Variants in TSHZ3 observed in about 807,000 individuals in gnomAD.
TSHZ3 encodes teashirt zinc finger homeobox 3.
In TSHZ3, 10 loss-of-function variants were observed where a neutral mutation model predicts 64.5. The observed-to-expected ratio is 0.16, with a 90% confidence interval of 0.10 to 0.26. The LOEUF is 0.26. Among genes scored for constraint, TSHZ3 ranks in the 10% least tolerant of loss-of-function variants. The probability of loss-of-function intolerance (pLI) is 1.00; values close to 1 mark genes in which losing one functional copy is unlikely to be tolerated. For missense variants in TSHZ3, 1,242 were observed against 1,421.7 expected (o/e 0.87, Z 2.03); for synonymous variants, 608 against 593.1 (o/e 1.03, Z -0.36).
chr19:31,175,066 C>T (rs536050714), intron 5 of TSHZ3, among the ~76,000 whole-genome samples: 95 of 152,282 alleles, frequency 6.2e-4, no homozygotes, highest in African/African-American at 1.9e-3. Flanking sequence ...TGGAAATGAG[C>T]CTTGTGGTCT....
upstream of TSHZ3, among the ~76,000 whole-genome samples, chr19:31,349,937 C>T (rs1272819672): frequency 6.8e-6 from 1 of 146,718 alleles, no homozygotes; most frequent in East Asian, 2.0e-4. Flanking sequence ...GCGTGGGACC[C>T]CCGCCCCGCC....
chr19:31,185,466 A>G, intron 5 of TSHZ3, among the ~76,000 whole-genome samples: 1 of 152,196 alleles, frequency 6.6e-6, no homozygotes, highest in Non-Finnish European at 1.5e-5. Context: ...CAAATCCTCT[A>G]TGGTGAACAG....
intron 5 of TSHZ3, among the ~76,000 whole-genome samples, chr19:31,168,576 C>T (rs963460177): frequency 2.0e-5 from 3 of 152,204 alleles, no homozygotes; most frequent in African/African-American, 4.8e-5. Flanking sequence ...AAGATTGAAG[C>T]GTATTATCAT....
chr19:31,322,804 ATGAG>A (rs777222291), intron 1 of TSHZ3, among the ~76,000 whole-genome samples: 33 of 152,360 alleles, frequency 2.2e-4, no homozygotes, highest in South Asian at 1.2e-3. Flanking sequence ...GAATGAATGA[ATGAG>A]TGACAGAACG....
intron 3 of TSHZ3, among the ~76,000 whole-genome samples, chr19:31,242,102 A>C (rs1177719304): frequency 2.0e-5 from 3 of 152,202 alleles, no homozygotes; most frequent in Non-Finnish European, 4.4e-5. Flanking sequence ...CTACTTAGCC[A>C]GTGACTTTCC....
At chr19:31,216,052 G>T (rs1331078310) in intron 4 of TSHZ3, among the ~76,000 whole-genome samples, 1 of 149,514 alleles carries the variant, frequency 6.7e-6, no homozygotes, top group African/African-American at 2.4e-5. Context: ...ACCATACAAT[G>T]CAATTACTTA....
chr19:31,211,041 G>A (rs1975254177), intron 4 of TSHZ3, among the ~76,000 whole-genome samples: 1 of 152,144 alleles, frequency 6.6e-6, no homozygotes, highest in Non-Finnish European at 1.5e-5. Flanking sequence ...AAAATAGTTT[G>A]TTTTTCGATG....
At chr19:31,169,658 G>C (rs1381169161) in intron 5 of TSHZ3, among the ~76,000 whole-genome samples, 1 of 152,054 alleles carries the variant, frequency 6.6e-6, no homozygotes, top group Non-Finnish European at 1.5e-5. Context: ...AAAAAAAGGA[G>C]GTTTGTGTCT....
At position 31,279,355 on chromosome 19, in the gene TSHZ3, G is replaced by A; in HGVS notation, c.438C>T (p.Asn146=). 1 of 1,614,160 alleles carries A rather than the reference G, an allele frequency of 6.2e-7. No homozygotes were observed. Among genetic ancestry groups the A allele is most frequent in the Middle Eastern group, 1.6e-4 (1 of 6,062 alleles). ...TACTGCTGCTGCTGCTGCTGCCGTT[G>A]TTCTTCTCCGAGGAGGGCTGGTGCA... is the stretch of plus-strand genomic sequence containing the variant. ...LNLHQPSSEK[N]NGSSSSSSSS... The change falls in exon 2 of 2, where the codon AAC becomes AAT. Residue 146 remains asparagine (N), a synonymous_variant. Transcript: ENST00000240587. This position sits in a 1 kb window ranked among gnomAD's most constrained non-coding sequence, Gnocchi z 6.4.
intron 1 of TSHZ3, among the ~76,000 whole-genome samples, chr19:31,265,397 CAA>C (rs11432951): frequency 0.017 from 587 of 34,244 alleles, 11 homozygotes; most frequent in African/African-American, 0.065. Flanking sequence ...AACTCTGTCT[CAA>C]AAAAAAAAAA....
intron 1 of TSHZ3, among the ~76,000 whole-genome samples, chr19:31,310,068 A>C (rs187076882): frequency 4.2e-4 from 64 of 152,220 alleles, no homozygotes; most frequent in African/African-American, 1.5e-3. Flanking sequence ...AAATGCATGC[A>C]AGTATGTTTT....
intron 3 of TSHZ3, among the ~76,000 whole-genome samples, chr19:31,239,009 T>C (rs11668374): frequency 5.1e-4 from 77 of 152,172 alleles, no homozygotes; most frequent in Non-Finnish European, 9.1e-4. Flanking sequence ...ATCTAATACA[T>C]CTTCTCTTTT....
At chr19:31,184,722 G>C (rs1435127177) in intron 5 of TSHZ3, among the ~76,000 whole-genome samples, 1 of 152,172 alleles carries the variant, frequency 6.6e-6, no homozygotes, top group Non-Finnish European at 1.5e-5. Flanking sequence ...TTAGATTAGA[G>C]GTATTTGATA....
intron 1 of TSHZ3, among the ~76,000 whole-genome samples, chr19:31,293,309 C>T (rs1248593675): frequency 6.6e-6 from 1 of 152,186 alleles, no homozygotes; most frequent in Admixed American, 6.5e-5. Flanking sequence ...AAACACAGAG[C>T]ACAAGGGCAT....
chr19:31,243,347 C>T lies in TSHZ3; in HGVS notation n.64-472G>A, dbSNP rs371452529. Among the ~76,000 whole-genome samples, 50 of 152,286 alleles carry T rather than the reference C, an allele frequency of 3.3e-4. No homozygotes were observed. The South Asian group carries it at 0.01, about 32-fold the overall frequency. On this transcript the variant is annotated intron_variant and non_coding_transcript_variant, in intron 1 of 6. Coordinates refer to the TSHZ3 transcript ENST00000651361. Reference sequence around the variant, plus strand: ...TCATTTCTAATCCATGTTGGTAACTCAACCTACAATTATACTGTTACACAC... The same window carrying T: ...TCATTTCTAATCCATGTTGGTAACTTAACCTACAATTATACTGTTACACAC...
intron 1 of TSHZ3, among the ~76,000 whole-genome samples, chr19:31,292,533 T>A (rs1199138868): frequency 6.6e-6 from 1 of 152,032 alleles, no homozygotes; most frequent in East Asian, 1.9e-4. Context: ...AAGAGCTATA[T>A]CCAAGGGGAA....
intron 1 of TSHZ3, among the ~76,000 whole-genome samples, chr19:31,329,335 A>C (rs943667244): frequency 6.6e-5 from 10 of 152,242 alleles, no homozygotes; most frequent in Non-Finnish European, 1.5e-4. Flanking sequence ...TGCCTTGTGC[A>C]TTCTGTGTAA....
intron 3 of TSHZ3, among the ~76,000 whole-genome samples, chr19:31,236,611 T>C (rs1039779493): frequency 6.6e-6 from 1 of 152,232 alleles, no homozygotes; most frequent in African/African-American, 2.4e-5. Context: ...CTGTTTATTT[T>C]TTTCCTTTGC....
At chr19:31,175,455 T>G (rs546514310) in intron 5 of TSHZ3, among the ~76,000 whole-genome samples, 2 of 152,276 alleles carry the variant, frequency 1.3e-5, no homozygotes, top group African/African-American at 2.4e-5. Flanking sequence ...TTTTACAAAT[T>G]TTAGATAGAA....
Sources: gnomAD v4.1 joint callset for allele counts (sites outside exome capture counted in the v4.1 genomes callset) on GRCh38, gnomAD v4.1.1 for gene constraint, Gnocchi (gnomAD v3.1) non-coding constraint, MANE v1.5 for transcripts, NCBI Gene and HGNC (gene_info 2026-07-23, HGNC 2026-07-21) for gene names.